The following THRB variants were observed in gnomAD, a reference collection of about 807,000 sequenced individuals.
The protein encoded by THRB is nuclear receptor subfamily 1 group A member 2.
A neutral mutation model predicts 47.8 loss-of-function variants in THRB; 12 were observed. The ratio of observed to expected loss-of-function variants is 0.25; its 90% CI spans 0.16 to 0.41. The LOEUF is 0.41. Ranked by LOEUF, THRB falls within the 10% of genes least tolerant of loss-of-function variation. The probability of loss-of-function intolerance (pLI) is 1.00; values close to 1 mark genes in which losing one functional copy is unlikely to be tolerated. For missense variants in THRB, 348 were observed against 589.2 expected (o/e 0.59, Z 4.24); for synonymous variants, 218 against 212.2 (o/e 1.03, Z -0.24).
At chr3:24,451,983 A>C (rs1239056532) in intron 1 of THRB, among the ~76,000 whole-genome samples, 2 of 152,160 alleles carry the variant, frequency 1.3e-5, no homozygotes, top group Non-Finnish European at 2.9e-5. Flanking sequence ...AAGTATGCCC[A>C]GTATCACAGG....
chr3:24,495,701 T>C (rs1198440604), upstream of THRB: 2 of 152,230 alleles, frequency 1.3e-5, no homozygotes, highest in African/African-American at 4.8e-5. Context: ...CGGCCTTCTT[T>C]GCCCGGCCCG....
chr3:24,230,210 A>C (rs2150106050), intron 3 of THRB, among the ~76,000 whole-genome samples: 1 of 152,348 alleles, frequency 6.6e-6, no homozygotes, highest in Middle Eastern at 3.4e-3. Flanking sequence ...CAATGACTTC[A>C]AACCTTGATC....
chr3:24,158,872 C>T (rs1011938875), intron 5 of THRB, among the ~76,000 whole-genome samples: 3 of 150,360 alleles, frequency 2.0e-5, no homozygotes, highest in Admixed American at 6.6e-5. Context: ...CTCTCTCTCT[C>T]GCATACTTGG....
At position 24,376,492 on chromosome 3, in the gene THRB, A is replaced by C. The variant is rs539748521; in HGVS notation, c.-260-39121T>G. Among the ~76,000 whole-genome samples, 104 of 152,276 alleles carry C rather than the reference A, an allele frequency of 6.8e-4. 1 individual carries two copies. Among genetic ancestry groups the C allele is most frequent in the African/African-American group, 2.5e-3 (103 of 41,560 alleles). On this transcript the variant is annotated intron_variant, in intron 1 of 10. Transcript: ENST00000646209. ...AGGGGGTTTCTTGAGCCTTTAGACAAATATTAAGAAAATCATATGTGAGAC... is the reference window on the plus strand; with the variant it reads ...AGGGGGTTTCTTGAGCCTTTAGACACATATTAAGAAAATCATATGTGAGAC...
chr3:24,360,478 C>G (rs1356872859), intron 1 of THRB, among the ~76,000 whole-genome samples: 1 of 152,138 alleles, frequency 6.6e-6, no homozygotes, highest in Non-Finnish European at 1.5e-5. Context: ...TTTTGAAGCC[C>G]TGCTCTCTAT....
intron 3 of THRB, among the ~76,000 whole-genome samples, chr3:24,230,363 T>C (rs2048129613): frequency 6.6e-6 from 1 of 152,210 alleles, no homozygotes; most frequent in South Asian, 2.1e-4. Context: ...TAACAGGTAC[T>C]CAACAATATA....
At chr3:24,462,642 A>G (rs2073805303) in intron 1 of THRB, among the ~76,000 whole-genome samples, 1 of 152,378 alleles carries the variant, frequency 6.6e-6, no homozygotes, top group East Asian at 1.9e-4. Flanking sequence ...CTCTGTGTAT[A>G]AAATGAATGC....
chr3:24,286,381 T>C (rs922343529), intron 3 of THRB, among the ~76,000 whole-genome samples: 1 of 152,228 alleles, frequency 6.6e-6, no homozygotes, highest in African/African-American at 2.4e-5. Flanking sequence ...AAGATATTCA[T>C]AGTTGGGAGG....
At chr3:24,354,981 G>T (rs2063579939) in intron 1 of THRB, among the ~76,000 whole-genome samples, 1 of 152,104 alleles carries the variant, frequency 6.6e-6, no homozygotes, top group Non-Finnish European at 1.5e-5. Flanking sequence ...GAAAATTTAA[G>T]GAGGAAAAGA....
At chr3:24,237,361 GA>G (rs2048977799) in intron 3 of THRB, among the ~76,000 whole-genome samples, 1 of 152,166 alleles carries the variant, frequency 6.6e-6, no homozygotes, top group African/African-American at 2.4e-5. Flanking sequence ...GTCTATGGTT[GA>G]AACTGAGCTT....
rs189571843 is a variant in THRB, at chr3:24,422,534, C to T, written c.-261+72118G>A. 4.5e-3 allele frequency among the ~76,000 whole-genome samples: 682 copies of T among 152,022 alleles called. 3 individuals are homozygous for T. Among genetic ancestry groups the T allele is most frequent in the Middle Eastern group, 0.01 (3 of 294 alleles). The stretch of plus-strand genomic sequence containing the variant: ...CCAGCTAAGTCTAATCCTGATACAG[C>T]CACTCTCCTCAATTTCCTCCTCAGA... On this transcript the variant is annotated intron_variant, in intron 1 of 10. Coordinates refer to ENST00000646209, the MANE Select transcript of THRB (RefSeq NM_001354712.2).
chr3:24,274,487 C>T (rs577885630), intron 3 of THRB, among the ~76,000 whole-genome samples: 1 of 152,224 alleles, frequency 6.6e-6, no homozygotes, highest in African/African-American at 2.4e-5. Context: ...TCTCAAGAAG[C>T]CAGGAATGAG....
intron 3 of THRB, among the ~76,000 whole-genome samples, chr3:24,249,524 C>T (rs976630495): frequency 2.6e-5 from 4 of 152,186 alleles, no homozygotes; most frequent in African/African-American, 9.7e-5. Context: ...GACTGGATCA[C>T]TCTGGCAAGG....
At chr3:24,328,993 C>A (rs913183141) in intron 2 of THRB, among the ~76,000 whole-genome samples, 1 of 151,972 alleles carries the variant, frequency 6.6e-6, no homozygotes, top group African/African-American at 2.4e-5. Flanking sequence ...GTCACCCAGG[C>A]TGGAGTGCAG....
intron 3 of THRB, among the ~76,000 whole-genome samples, chr3:24,268,189 C>T (rs772147729): frequency 6.6e-6 from 1 of 152,036 alleles, no homozygotes; most frequent in Non-Finnish European, 1.5e-5. Flanking sequence ...AATTAAGGCA[C>T]CCCTCAGTGA....
chr3:24,347,065 T>C (rs1446171742), intron 1 of THRB, among the ~76,000 whole-genome samples: 1 of 152,050 alleles, frequency 6.6e-6, no homozygotes, highest in Non-Finnish European at 1.5e-5. Context: ...GACCACAGCA[T>C]AATTAAACAG....
In THRB at chr3:24,146,839, G is replaced by C. The variant is rs777843536; in HGVS notation, c.385-17C>G. The C allele has an allele frequency of 1.9e-6, 3 of 1,611,964 alleles. No homozygotes were observed. The African/African-American group carries it at 4.0e-5, about 22-fold the overall frequency. On this transcript the variant is annotated splice_polypyrimidine_tract_variant and intron_variant, in intron 6 of 10. Coordinates refer to ENST00000646209, the MANE Select transcript of THRB (RefSeq NM_001354712.2). ...AAAGAAACCCTATATGAAAAACAAAGACCCAAGACAACAGTTTCATATTTT... is the reference window on the plus strand; with the variant it reads ...AAAGAAACCCTATATGAAAAACAAACACCCAAGACAACAGTTTCATATTTT...
chr3:24,401,795 C>T (rs189580182), intron 1 of THRB, among the ~76,000 whole-genome samples: 1 of 152,082 alleles, frequency 6.6e-6, no homozygotes, highest in Non-Finnish European at 1.5e-5. Flanking sequence ...AGATTTCTGG[C>T]TCCTTGTCAG....
chr3:24,132,012 G>A (rs1488256859), intron 9 of THRB, among the ~76,000 whole-genome samples: 1 of 152,150 alleles, frequency 6.6e-6, no homozygotes, highest in African/African-American at 2.4e-5. Context: ...TGGCTTCTGT[G>A]GAGGCTCAGA....
Sources: gnomAD v4.1 joint callset for allele counts (sites outside exome capture counted in the v4.1 genomes callset) on GRCh38, gnomAD v4.1.1 for gene constraint, MANE v1.5 for transcripts, NCBI Gene and HGNC (gene_info 2026-07-23, HGNC 2026-07-21) for gene names.